ZMAT4: variants seen among roughly 807,000 people sequenced by gnomAD.
ZMAT4 encodes zinc finger matrin-type protein 4.
In ZMAT4, 17 loss-of-function variants were observed where a neutral mutation model predicts 28.7. The observed-to-expected ratio is 0.59, with a 90% CI of 0.41 to 0.89. The LOEUF (loss-of-function observed/expected upper bound fraction) is 0.89. Ranked by LOEUF, ZMAT4 falls within the 40% of genes least tolerant of loss-of-function variation. The pLI is 0.00. For synonymous variants in ZMAT4, 117 were observed against 109.2 expected (o/e 1.07, Z -0.44); for missense variants, 240 against 283.8 (o/e 0.85, Z 1.11).
intron 6 of ZMAT4, among the ~76,000 whole-genome samples, chr8:40,579,495 C>T (rs117627827): frequency 0.016 from 2,416 of 152,174 alleles, 27 homozygotes; most frequent in Non-Finnish European, 0.024. Context: ...AAGAATTATT[C>T]CAGTAAGAGT....
At chr8:40,767,787 G>C in intron 2 of ZMAT4, 57 bp from the exon 3 acceptor site, 1 of 1,472,128 alleles carries the variant, frequency 6.8e-7, no homozygotes, top group Non-Finnish European at 9.2e-7. Context: ...CAAACCCTTT[G>C]AAACCTAGCC....
At chr8:40,629,038 T>C (rs1806477376) in intron 5 of ZMAT4, among the ~76,000 whole-genome samples, 2 of 151,474 alleles carry the variant, frequency 1.3e-5, no homozygotes, top group African/African-American at 4.8e-5. Context: ...TTATTCTTTG[T>C]TCATCCCTTC....
chr8:40,623,922 T>C (rs1326830575), intron 5 of ZMAT4, among the ~76,000 whole-genome samples: 1 of 152,214 alleles, frequency 6.6e-6, no homozygotes, highest in Non-Finnish European at 1.5e-5. Flanking sequence ...TACAGGCATT[T>C]GAAGCTTATG....
chr8:40,641,575 C>T (rs1196038329), intron 5 of ZMAT4, among the ~76,000 whole-genome samples: 1 of 152,168 alleles, frequency 6.6e-6, no homozygotes, highest in Non-Finnish European at 1.5e-5. Context: ...TTCATGTACA[C>T]AACTTGATGC....
chr8:40,805,983 A>G (rs1000402893), intron 2 of ZMAT4, among the ~76,000 whole-genome samples: 2 of 149,308 alleles, frequency 1.3e-5, no homozygotes, highest in Non-Finnish European at 3.0e-5. Context: ...CAAAGATCTG[A>G]TGAACCTTGT....
intron 1 of ZMAT4, among the ~76,000 whole-genome samples, chr8:40,881,269 GT>G (rs1281781722): frequency 1.3e-5 from 2 of 151,356 alleles, no homozygotes; most frequent in African/African-American, 4.9e-5. Context: ...CACACCTGTG[GT>G]CCTGGCTACT....
intron 5 of ZMAT4, among the ~76,000 whole-genome samples, chr8:40,634,383 G>C (rs1346848992): frequency 6.6e-6 from 1 of 152,088 alleles, no homozygotes; most frequent in Non-Finnish European, 1.5e-5. Context: ...TGAATCTGAG[G>C]CTTTTATTAC....
At chr8:40,614,878 C>G (rs1262448527) in intron 5 of ZMAT4, among the ~76,000 whole-genome samples, 1 of 152,138 alleles carries the variant, frequency 6.6e-6, no homozygotes, top group African/African-American at 2.4e-5. Flanking sequence ...ACTCTTTATC[C>G]AATTTGCCAG....
chr8:40,671,483 T>TA (rs1358252384), intron 5 of ZMAT4, among the ~76,000 whole-genome samples: 1 of 152,174 alleles, frequency 6.6e-6, no homozygotes, highest in Admixed American at 6.5e-5. Context: ...TACTCAGTAA[T>TA]AAAAAAGGTA....
Position 40,531,626 on chromosome 8 carries a change from A to G in ZMAT4, c.*597T>C, listed in dbSNP as rs1488025166. ...TTGAATGATCAGGAAAAAAGATGAG[A>G]ATTCTTCCTTTATTTACTCCCTTCG... On this transcript the variant is annotated 3_prime_UTR_variant, in exon 7 of 7. Coordinates refer to ENST00000297737, the MANE Select transcript of ZMAT4 (RefSeq NM_024645.3). The G allele has an allele frequency of 2.0e-5, 3 of 152,630 alleles. No individual in the cohort carries two copies. Among genetic ancestry groups the G allele is most frequent in the Admixed American group, 1.3e-4 (2 of 15,282 alleles). 9.5% of individuals were successfully genotyped at this position (152,630 alleles called of 1,614,324 possible).
intron 2 of ZMAT4, among the ~76,000 whole-genome samples, chr8:40,820,681 G>A (rs1308310574): frequency 1.3e-4 from 2 of 15,374 alleles, no homozygotes; most frequent in Admixed American, 6.6e-4. Context: ...GTGTCTATGT[G>A]TGTGTGTCTA....
intron 1 of ZMAT4, among the ~76,000 whole-genome samples, chr8:40,866,571 T>C (rs1563254288): frequency 6.6e-6 from 1 of 152,232 alleles, no homozygotes. Flanking sequence ...GAGACTGGGC[T>C]CACATCTGGC....
chr8:40,821,317 A>G (rs974195509), intron 2 of ZMAT4, among the ~76,000 whole-genome samples: 3 of 152,112 alleles, frequency 2.0e-5, no homozygotes, highest in Non-Finnish European at 4.4e-5. Context: ...TTCCTTTGAA[A>G]GCTTTCTCTT....
chr8:40,868,295 A>T (rs1243959565), intron 1 of ZMAT4, among the ~76,000 whole-genome samples: 1 of 152,224 alleles, frequency 6.6e-6, no homozygotes, highest in Non-Finnish European at 1.5e-5. Context: ...TGCGGGCCAC[A>T]GCAGCTTGGA....
At chr8:40,552,916 AG>A (rs1206200605) in intron 6 of ZMAT4, among the ~76,000 whole-genome samples, 4 of 152,214 alleles carry the variant, frequency 2.6e-5, no homozygotes, top group Non-Finnish European at 5.9e-5. Flanking sequence ...AAAATGTAGT[AG>A]CCACTTATGC....
intron 1 of ZMAT4, among the ~76,000 whole-genome samples, chr8:40,852,704 T>C (rs1817155650): frequency 6.6e-6 from 1 of 152,244 alleles, no homozygotes; most frequent in Admixed American, 6.5e-5. Context: ...TATCTTGCAC[T>C]TCAGAGAGAT....
At chr8:40,780,974 A>G (rs1813801307) in intron 2 of ZMAT4, among the ~76,000 whole-genome samples, 1 of 152,190 alleles carries the variant, frequency 6.6e-6, no homozygotes, top group African/African-American at 2.4e-5. Flanking sequence ...GAGGAGCAAG[A>G]CAAGAACATC....
At chr8:40,683,213 G>T (rs1809252096) in intron 4 of ZMAT4, among the ~76,000 whole-genome samples, 1 of 152,262 alleles carries the variant, frequency 6.6e-6, no homozygotes, top group South Asian at 2.1e-4. Flanking sequence ...TGTACTTGAG[G>T]ACATCCTGCA....
At chr8:40,864,610 T>G (rs537585699) in intron 1 of ZMAT4, among the ~76,000 whole-genome samples, 1 of 152,354 alleles carries the variant, frequency 6.6e-6, no homozygotes, top group East Asian at 1.9e-4. Flanking sequence ...GATGACATCA[T>G]GACCCCAGGT....
Sources: gnomAD v4.1 joint callset for allele counts (sites outside exome capture counted in the v4.1 genomes callset) on GRCh38, gnomAD v4.1.1 for gene constraint, MANE v1.5 for transcripts, NCBI Gene and HGNC (gene_info 2026-07-23, HGNC 2026-07-21) for gene names.